The following PCSK6 variants were observed in gnomAD, a reference collection of about 807,000 sequenced individuals.
The protein encoded by PCSK6 is paired basic amino acid cleaving enzyme 4.
A neutral mutation model predicts 123.3 loss-of-function variants in PCSK6; 85 were observed. The observed-to-expected ratio is 0.69, with a 90% confidence interval of 0.58 to 0.83. PCSK6 has a LOEUF of 0.83. Ranked by LOEUF, PCSK6 falls within the 40% of genes least tolerant of loss-of-function variation. The pLI is 0.00. For missense variants in PCSK6, 1,191 were observed against 1,282.3 expected (o/e 0.93, Z 1.09); for synonymous variants, 508 against 516.0 (o/e 0.98, Z 0.21).
intron 1 of PCSK6, among the ~76,000 whole-genome samples, chr15:101,469,135 A>G (rs1174032358): frequency 6.6e-6 from 1 of 152,050 alleles, no homozygotes; most frequent in African/African-American, 2.4e-5. Context: ...AAATTTGACT[A>G]TTACAGGGAG....
chr15:101,365,977 A>C, intron 13 of PCSK6: 1 of 415,596 alleles, frequency 2.4e-6, no homozygotes, highest in East Asian at 4.0e-5. Context: ...ACATTCTGGA[A>C]TTAGATAGTG....
intron 6 of PCSK6, among the ~76,000 whole-genome samples, chr15:101,402,519 C>T (rs1427197424): frequency 7.9e-5 from 12 of 152,182 alleles, no homozygotes; most frequent in Non-Finnish European, 1.3e-4. Context: ...GCAACCTACT[C>T]ATCTGACAAA....
At position 101,389,448 on chromosome 15, in the gene PCSK6, G is replaced by T. The variant is rs760461043; in HGVS notation, c.1310+16C>A. 12 of 1,577,154 alleles carry T rather than the reference G, an allele frequency of 7.6e-6. No individual in the cohort carries two copies. The South Asian group carries it at 1.2e-4, about 16-fold the overall frequency. On this transcript the variant is annotated intron_variant, in intron 9 of 21. Coordinates refer to ENST00000611716, the MANE Select transcript of PCSK6 (RefSeq NM_002570.5). ...AAACATTTTTTTTTTTTAGAAAAAGGTAAGTGGGAACTTACTTTGCTTCTA... is the reference window on the plus strand; with the variant it reads ...AAACATTTTTTTTTTTTAGAAAAAGTTAAGTGGGAACTTACTTTGCTTCTA...
chr15:101,375,124 T>G (rs1019161916), intron 11 of PCSK6, among the ~76,000 whole-genome samples: 1 of 152,090 alleles, frequency 6.6e-6, no homozygotes, highest in Non-Finnish European at 1.5e-5. Flanking sequence ...GGCCAATGTT[T>G]GTATTTTTAG....
intron 13 of PCSK6, among the ~76,000 whole-genome samples, chr15:101,360,789 C>T (rs573037375): frequency 1.3e-5 from 2 of 152,352 alleles, no homozygotes; most frequent in East Asian, 1.9e-4. Context: ...AGCTCACCCC[C>T]TCATCTTCTT....
chr15:101,432,639 AAGAC>A (rs796922459), intron 2 of PCSK6, among the ~76,000 whole-genome samples: 70 of 152,136 alleles, frequency 4.6e-4, no homozygotes, highest in South Asian at 1.7e-3. Flanking sequence ...AAAAAAAAAA[AAGAC>A]AGAGAGAGAG....
chr15:101,458,573 T>A (rs575621284), intron 1 of PCSK6, among the ~76,000 whole-genome samples: 2 of 152,088 alleles, frequency 1.3e-5, no homozygotes, highest in Non-Finnish European at 2.9e-5. Flanking sequence ...GGACTGTGCC[T>A]CACTCTCCCT....
In PCSK6 at chr15:101,489,434, C is replaced by A; in HGVS notation, c.237G>T (p.Leu79=). Residue 79 remains leucine (L), a synonymous_variant, in exon 1 of 22, where the codon CTG becomes CTT. Transcript: ENST00000611716. Reference sequence around the variant, plus strand: ...CGCGGTCCGCCTCGGCCGGGCCGCCCAGCACTTGCACCGCCCAGTGGTTGG... The same window carrying A: ...CGCGGTCCGCCTCGGCCGGGCCGCCAAGCACTTGCACCGCCCAGTGGTTGG... ...VYTNHWAVQV[L]GGPAEADRVA... The A allele has an allele frequency of 7.9e-7, 1 of 1,271,566 alleles. No homozygotes were observed. Among genetic ancestry groups the A allele is most frequent in the Non-Finnish European group, 1.0e-6 (1 of 995,406 alleles). The allele number at this position is 1,271,566 out of a possible 1,614,324, so 78.8% of individuals were successfully genotyped here. A position where few individuals can be genotyped will look rare whatever the true frequency, so the allele number is the denominator to read the frequency against.
At chr15:101,428,094 CA>C in intron 5 of PCSK6, 114 bp from the exon 6 acceptor site, 1 of 826,038 alleles carries the variant, frequency 1.2e-6, no homozygotes, top group Non-Finnish European at 1.9e-6. Flanking sequence ...CCAGAGATGT[CA>C]TTAAAGCCCA....
At chr15:101,417,834 A>C (rs563944800) in intron 6 of PCSK6, among the ~76,000 whole-genome samples, 1 of 152,024 alleles carries the variant, frequency 6.6e-6, no homozygotes, top group East Asian at 1.9e-4. Context: ...GTTCTCTGCA[A>C]AAGCCTGTTT....
chr15:101,305,434 G>A lies in PCSK6; in HGVS notation c.2813-79C>T, dbSNP rs913363258. 7 of 1,213,086 alleles carry A rather than the reference G, an allele frequency of 5.8e-6. No homozygotes were observed. The highest frequency in any genetic ancestry group is 2.6e-5 in the South Asian group (2 of 78,020). The allele number at this position is 1,213,086 out of a possible 1,614,324, so 75.1% of individuals were successfully genotyped here. On this transcript the variant is annotated intron_variant, in intron 21 of 21. Coordinates refer to ENST00000611716, the MANE Select transcript of PCSK6 (RefSeq NM_002570.5). The surrounding 1 kb of genome is among the most constrained non-coding windows in gnomAD (Gnocchi z 4.8). ...TGTGAAGATTGTTTCAAGGCCGGGC[G>A]CGGTGCCTCATGCCTGTAATCCCAG...
At chr15:101,469,446 G>A (rs1249581184) in intron 1 of PCSK6, among the ~76,000 whole-genome samples, 2 of 152,180 alleles carry the variant, frequency 1.3e-5, no homozygotes, top group South Asian at 2.1e-4. Context: ...CCAAGATGCC[G>A]ACATGGGTGA....
intron 6 of PCSK6, among the ~76,000 whole-genome samples, chr15:101,410,023 T>A (rs967361651): frequency 6.6e-6 from 1 of 152,296 alleles, no homozygotes; most frequent in East Asian, 1.9e-4. Flanking sequence ...GCTTCAAACA[T>A]CTAGGCTTAA....
At chr15:101,473,386 G>A (rs2057652658) in intron 1 of PCSK6, among the ~76,000 whole-genome samples, 1 of 152,208 alleles carries the variant, frequency 6.6e-6, no homozygotes, top group East Asian at 1.9e-4. Flanking sequence ...GGGATTACAA[G>A]CATAAGCCAC....
At position 101,408,362 on chromosome 15, in the gene PCSK6, C is replaced by A. The variant is rs373111229; in HGVS notation, c.824-9786G>T. Reference sequence around the variant, plus strand: ...TTATGTACACCCAGGAAGAAAGCCCCTCAGCAGCCCTCTCAGGAACCCAGG... The same window carrying A: ...TTATGTACACCCAGGAAGAAAGCCCATCAGCAGCCCTCTCAGGAACCCAGG... On this transcript the variant is annotated intron_variant, in intron 6 of 21. Transcript: ENST00000611716. Among the ~76,000 whole-genome samples, 68 of 152,350 alleles carry A rather than the reference C, an allele frequency of 4.5e-4. 1 individual carries two copies. In the South Asian group the frequency reaches 0.013, roughly 28 times the overall value.
chr15:101,427,830 G>C, intron 6 of PCSK6, 62 bp downstream of exon 6: 1 of 1,316,778 alleles, frequency 7.6e-7, no homozygotes, highest in Non-Finnish European at 1.1e-6. Context: ...CAGCGGACAG[G>C]GAGCTCCCAG....
intron 1 of PCSK6, among the ~76,000 whole-genome samples, chr15:101,471,090 C>T (rs551124123): frequency 4.0e-4 from 61 of 152,266 alleles, no homozygotes; most frequent in South Asian, 1.9e-3. Flanking sequence ...TACTGGGAAG[C>T]TTCTCCCTGG....
chr15:101,488,284 G>A (rs905082532), intron 1 of PCSK6, among the ~76,000 whole-genome samples: 5 of 152,214 alleles, frequency 3.3e-5, no homozygotes, highest in African/African-American at 1.2e-4. Context: ...TTTGTTAACT[G>A]CACTGAGAGG....
At chr15:101,348,745 A>T (rs977163048) in intron 13 of PCSK6, among the ~76,000 whole-genome samples, 3 of 152,206 alleles carry the variant, frequency 2.0e-5, no homozygotes, top group Non-Finnish European at 4.4e-5. Flanking sequence ...ACACGTGCAG[A>T]AACAGAGACT....
Sources: allele counts gnomAD v4.1 joint callset (sites outside exome capture counted in the v4.1 genomes callset), GRCh38; gene constraint gnomAD v4.1.1; non-coding constraint Gnocchi (gnomAD v3.1); transcripts MANE v1.5; gene names NCBI Gene and HGNC (gene_info 2026-07-23, HGNC 2026-07-21).